MYO3B: variants seen among roughly 807,000 people sequenced by gnomAD.
The protein encoded by MYO3B is myosin IIIB.
A neutral mutation model predicts 174.6 loss-of-function variants in MYO3B; 156 were observed. The observed-to-expected ratio is 0.89, with a 90% CI of 0.78 to 1.02. MYO3B has a LOEUF of 1.02. MYO3B is among the 50% of genes least tolerant of loss of function. The pLI is 0.00. For synonymous variants in MYO3B, 563 were observed against 569.1 expected (o/e 0.99, Z 0.15); for missense variants, 1,632 against 1,639.4 (o/e 1.00, Z 0.08).
chr2:170,406,460 C>T (rs115242735), intron 21 of MYO3B, among the ~76,000 whole-genome samples: 1,808 of 152,328 alleles, frequency 0.012, 46 homozygotes, highest in African/African-American at 0.041. Flanking sequence ...TTTCTCTCCA[C>T]ATAGTACTTT....
intron 1 of MYO3B, among the ~76,000 whole-genome samples, chr2:170,188,471 T>A (rs2092497690): frequency 6.6e-6 from 1 of 152,160 alleles, no homozygotes; most frequent in Admixed American, 6.5e-5. Flanking sequence ...TATTCAATAT[T>A]ATTGATAAGG....
chr2:170,580,967 C>T (rs574916886), intron 32 of MYO3B, among the ~76,000 whole-genome samples: 8 of 152,082 alleles, frequency 5.3e-5, no homozygotes, highest in South Asian at 4.2e-4. Flanking sequence ...TTATAAATGA[C>T]GCTGTGATGG....
At chr2:170,522,677 C>T (rs530097243) in intron 30 of MYO3B, among the ~76,000 whole-genome samples, 1 of 152,328 alleles carries the variant, frequency 6.6e-6, no homozygotes, top group South Asian at 2.1e-4. Context: ...CACCTTGTCC[C>T]TAATACACCT....
rs961077823 is a variant in MYO3B, at chr2:170,611,998, G to A, written c.3734-39630G>A. On this transcript the variant is annotated intron_variant, in intron 32 of 34. Coordinates refer to ENST00000408978, the MANE Select transcript of MYO3B (RefSeq NM_138995.5). ...CTGTAGTATCCTAATGGATCTCCAG[G>A]CCAGTTCTCAGGGACACTGAGTCCT... Among the ~76,000 whole-genome samples, 6 of 152,110 alleles carry A rather than the reference G, an allele frequency of 3.9e-5. No homozygotes were observed. In the South Asian group the frequency reaches 1.0e-3, roughly 26 times the overall value.
At chr2:170,288,759 T>A (rs971059432) in intron 7 of MYO3B, among the ~76,000 whole-genome samples, 1 of 152,128 alleles carries the variant, frequency 6.6e-6, no homozygotes, top group African/African-American at 2.4e-5. Flanking sequence ...TTGTATTGAA[T>A]AAGAGAAGTG....
intron 7 of MYO3B, among the ~76,000 whole-genome samples, chr2:170,237,194 C>G (rs2093080081): frequency 6.6e-6 from 1 of 152,124 alleles, no homozygotes; most frequent in Non-Finnish European, 1.5e-5. Context: ...AATTAATAGT[C>G]TGGTGAACAT....
At chr2:170,332,389 T>A (rs1355190239) in intron 7 of MYO3B, 1 of 152,114 alleles carries the variant, frequency 6.6e-6, no homozygotes, top group Non-Finnish European at 1.5e-5. Flanking sequence ...GATTCTGGGA[T>A]CAATAATGTT....
chr2:170,641,685 TTAC>T (rs760672468), intron 32 of MYO3B, among the ~76,000 whole-genome samples: 9 of 152,254 alleles, frequency 5.9e-5, no homozygotes, highest in Non-Finnish European at 1.3e-4. Context: ...GTCTCAGCAG[TTAC>T]TACTATTGTG....
At chr2:170,341,745 A>G (rs748703470) in intron 8 of MYO3B, among the ~76,000 whole-genome samples, 7 of 152,190 alleles carry the variant, frequency 4.6e-5, no homozygotes, top group Non-Finnish European at 8.8e-5. Context: ...CTTATTTTGA[A>G]ATATTGGGAT....
chr2:170,631,051 A>G (rs1696929976), intron 32 of MYO3B, among the ~76,000 whole-genome samples: 1 of 152,346 alleles, frequency 6.6e-6, no homozygotes, highest in African/African-American at 2.4e-5. Flanking sequence ...CTGGACGGAG[A>G]ATGACTTTGA....
chr2:170,446,822 T>A (rs894835905), intron 23 of MYO3B, among the ~76,000 whole-genome samples: 12 of 152,144 alleles, frequency 7.9e-5, no homozygotes, highest in African/African-American at 2.4e-4. Context: ...TTAATATAAG[T>A]TTTAGATGAC....
intron 7 of MYO3B, among the ~76,000 whole-genome samples, chr2:170,292,941 T>A (rs2093605417): frequency 6.6e-6 from 1 of 152,098 alleles, no homozygotes; most frequent in Admixed American, 6.5e-5. Context: ...TCCAAGCTGG[T>A]GGGAAAGCTG....
At chr2:170,624,943 T>G (rs189687693) in intron 32 of MYO3B, among the ~76,000 whole-genome samples, 5,205 of 152,302 alleles carry the variant, frequency 0.034, 123 homozygotes, top group Non-Finnish European at 0.052. Flanking sequence ...ATAAGCTTTT[T>G]GATGTGCTGC....
chr2:170,369,390 C>G lies in MYO3B; in HGVS notation c.971+13C>G. 1 of 1,603,974 alleles carries G rather than the reference C, an allele frequency of 6.2e-7. No homozygotes were observed. Among genetic ancestry groups the G allele is most frequent in the African/African-American group, 1.3e-5 (1 of 74,766 alleles). On this transcript the variant is annotated intron_variant, in intron 9 of 34. Coordinates refer to ENST00000408978, the MANE Select transcript of MYO3B (RefSeq NM_138995.5). ...TTGCTAAAACCAGGTACTGTACTCT[C>G]TTTCTTCTTTCTCCCTGTGGTTGTT...
chr2:170,404,158 T>C lies in MYO3B; in HGVS notation c.2278-89T>C, dbSNP rs369040046. 2.0e-5 allele frequency: 27 copies of C among 1,342,340 alleles called. No individual in the cohort carries two copies. The Middle Eastern group carries it at 9.6e-4, about 48-fold the overall frequency. The allele number at this position is 1,342,340 out of a possible 1,614,324, so 83.2% of individuals were successfully genotyped here. On this transcript the variant is annotated intron_variant, in intron 19 of 34. Transcript: ENST00000408978. ...CCTGCTTTCCACATGCATTCAATGT[T>C]GCTAGACCCAGAAAGTCCATGTCAA...
At chr2:170,592,960 C>T (rs559139167) in intron 32 of MYO3B, among the ~76,000 whole-genome samples, 2 of 151,500 alleles carry the variant, frequency 1.3e-5, no homozygotes, top group African/African-American at 4.9e-5. Context: ...AGATATATAT[C>T]TATAGATAGA....
At chr2:170,540,313 G>GATTCT (rs1293821141) in intron 30 of MYO3B, among the ~76,000 whole-genome samples, 2 of 151,746 alleles carry the variant, frequency 1.3e-5, no homozygotes, top group African/African-American at 4.8e-5. Context: ...AACAGAGTGC[G>GATTCT]ATTCTATCTC....
intron 8 of MYO3B, among the ~76,000 whole-genome samples, chr2:170,368,746 T>C (rs1050405476): frequency 2.6e-5 from 4 of 152,188 alleles, no homozygotes; most frequent in African/African-American, 9.7e-5. Context: ...TTATGATTAG[T>C]TTTTTTCCTT....
At chr2:170,372,128 A>AAAAAAAAAAAC (rs1373236739) in intron 9 of MYO3B, among the ~76,000 whole-genome samples, 11 of 142,160 alleles carry the variant, frequency 7.7e-5, no homozygotes, top group African/African-American at 1.1e-4. Flanking sequence ...CAAAAAAAAA[A>AAAAAAAAAAAC]AAAAAAAAAA....
Sources: allele counts gnomAD v4.1 joint callset (sites outside exome capture counted in the v4.1 genomes callset), GRCh38; gene constraint gnomAD v4.1.1; transcripts MANE v1.5; gene names NCBI Gene and HGNC (gene_info 2026-07-23, HGNC 2026-07-21).